PRELID2: variants seen among roughly 807,000 people sequenced by gnomAD.
PRELID2 encodes PRELI domain-containing protein 2.
Under a neutral mutation model 28.4 loss-of-function variants are expected in PRELID2, and 25 were observed. That is an observed-to-expected ratio of 0.88 (90% CI 0.64 to 1.23). PRELID2 has a LOEUF of 1.23. Ranked by LOEUF, PRELID2 falls within the 50% of genes most tolerant of loss-of-function variation. The pLI, the probability that PRELID2 is intolerant of heterozygous loss-of-function variation, is 0.00. For synonymous variants in PRELID2, 76 were observed against 71.6 expected, an observed-to-expected ratio of 1.06 and a Z score of -0.31; for missense variants, 201 against 214.4, an observed-to-expected ratio of 0.94 and a Z score of 0.39.
intron 1 of PRELID2, among the ~76,000 whole-genome samples, chr5:145,673,683 A>T (rs1754756815): frequency 1.3e-5 from 2 of 152,076 alleles, no homozygotes; most frequent in South Asian, 4.1e-4. Flanking sequence ...AATTCAACAC[A>T]TCTGAGAGAC....
chr5:145,752,418 C>A (rs780043439), downstream of PRELID2, among the ~76,000 whole-genome samples: 1 of 152,106 alleles, frequency 6.6e-6, no homozygotes, highest in Non-Finnish European at 1.5e-5. Context: ...CTAGTGCCAC[C>A]AATGCGACTC....
chr5:145,820,101 GT>G (rs1193742035), intron 2 of PRELID2, 83 bp from the exon 3 acceptor site: 8 of 745,486 alleles, frequency 1.1e-5, no homozygotes, highest in African/African-American at 5.4e-5. Context: ...CGGGGGTGGG[GT>G]TTTTTTGTTT....
chr5:145,757,922 T>G lies in PRELID2; in HGVS notation c.*2614A>C, dbSNP rs1757308980. On this transcript the variant is annotated 3_prime_UTR_variant, in exon 7 of 7. Transcript: ENST00000683046. ...TTACTGAGTGAGGAAAAGTAATCCCTGAGGATTATTTAGGAATGAGGAGGA... is the reference window on the plus strand; with the variant it reads ...TTACTGAGTGAGGAAAAGTAATCCCGGAGGATTATTTAGGAATGAGGAGGA... 6.6e-6 allele frequency among the ~76,000 whole-genome samples: 1 copy of G among 151,716 alleles called. No individual in the cohort carries two copies. The highest frequency in any genetic ancestry group is 2.1e-4 in the South Asian group (1 of 4,802).
intron 1 of PRELID2, among the ~76,000 whole-genome samples, chr5:145,740,688 T>C (rs1205914060): frequency 0.012 from 338 of 27,886 alleles, 3 homozygotes; most frequent in African/African-American, 0.028. Flanking sequence ...TTATATTTAA[T>C]ATATTATTTA....
the PRELID2 span, among the ~76,000 whole-genome samples, chr5:145,278,801 C>G: frequency 6.6e-6 from 1 of 152,100 alleles, no homozygotes; most frequent in Non-Finnish European, 1.5e-5. Context: ...TAATTTTGCC[C>G]TACCCAGAGT....
the PRELID2 span, among the ~76,000 whole-genome samples, chr5:145,323,701 G>A: frequency 1.3e-5 from 2 of 152,130 alleles, no homozygotes; most frequent in Non-Finnish European, 1.5e-5. Flanking sequence ...CTTATAAAAT[G>A]AGAACCTATG....
At chr5:145,251,399 T>C in the PRELID2 span, among the ~76,000 whole-genome samples, 1 of 152,148 alleles carries the variant, frequency 6.6e-6, no homozygotes, top group Non-Finnish European at 1.5e-5. Flanking sequence ...TGTTAGAATA[T>C]ATCACCAGAC....
intron 1 of PRELID2, among the ~76,000 whole-genome samples, chr5:145,746,214 G>A (rs1014520368): frequency 6.6e-6 from 1 of 152,132 alleles, no homozygotes; most frequent in African/African-American, 2.4e-5. Flanking sequence ...AAAAGACACA[G>A]ATTGGCAAAT....
chr5:145,448,337 A>C, the PRELID2 span, among the ~76,000 whole-genome samples: 1 of 151,426 alleles, frequency 6.6e-6, no homozygotes, highest in Non-Finnish European at 1.5e-5. Context: ...TTTTCTTGTA[A>C]ATTTGTTTGA....
At chr5:145,341,274 A>C in the PRELID2 span, among the ~76,000 whole-genome samples, 11 of 152,312 alleles carry the variant, frequency 7.2e-5, no homozygotes, top group East Asian at 1.9e-3. Flanking sequence ...AAATTTTTAA[A>C]ATCTCAGATT....
intron 1 of PRELID2, among the ~76,000 whole-genome samples, chr5:145,738,047 T>C (rs1756548093): frequency 2.0e-5 from 3 of 152,060 alleles, no homozygotes; most frequent in Admixed American, 1.3e-4. Flanking sequence ...CTTCTACCCT[T>C]CCCAGGGTGA....
intron 1 of PRELID2, among the ~76,000 whole-genome samples, chr5:145,735,918 C>T (rs1389945721): frequency 6.6e-6 from 1 of 152,158 alleles, no homozygotes; most frequent in Non-Finnish European, 1.5e-5. Context: ...CAATCTTACT[C>T]GGCGCTCTCT....
At chr5:145,362,127 T>C in the PRELID2 span, among the ~76,000 whole-genome samples, 1 of 152,172 alleles carries the variant, frequency 6.6e-6, no homozygotes, top group Non-Finnish European at 1.5e-5. Flanking sequence ...TTTAGTGCTG[T>C]GCTTATCTTG....
intron 1 of PRELID2, among the ~76,000 whole-genome samples, chr5:145,698,946 C>T (rs867528954): frequency 8.5e-5 from 13 of 152,256 alleles, no homozygotes; most frequent in South Asian, 2.1e-4. Flanking sequence ...AGGCTGGTCT[C>T]GAACTCCTGA....
chr5:145,399,274 G>A, the PRELID2 span, among the ~76,000 whole-genome samples: 3 of 152,072 alleles, frequency 2.0e-5, no homozygotes, highest in African/African-American at 4.8e-5. Flanking sequence ...TTACATGGGG[G>A]TTGGAAATCC....
At chr5:145,666,204 A>T (rs1222192846) in intron 1 of PRELID2, among the ~76,000 whole-genome samples, 2 of 152,004 alleles carry the variant, frequency 1.3e-5, no homozygotes, top group Admixed American at 1.3e-4. Context: ...CAGGTTGGCA[A>T]AAAGAGATTT....
chr5:145,698,432 G>T (rs1231566313), intron 1 of PRELID2, among the ~76,000 whole-genome samples: 1 of 152,182 alleles, frequency 6.6e-6, no homozygotes, highest in Non-Finnish European at 1.5e-5. Flanking sequence ...GTCTTAGTCA[G>T]TTTGGGCTGC....
At chr5:145,376,392 A>C in the PRELID2 span, among the ~76,000 whole-genome samples, 1 of 152,326 alleles carries the variant, frequency 6.6e-6, no homozygotes, top group Admixed American at 6.5e-5. Flanking sequence ...TTTTGATATC[A>C]GAATGATACT....
At chr5:145,628,562 G>A (rs914876957) in intron 1 of PRELID2, among the ~76,000 whole-genome samples, 6 of 152,122 alleles carry the variant, frequency 3.9e-5, no homozygotes, top group Admixed American at 6.5e-5. Flanking sequence ...GATCTCAGGC[G>A]ATCCACCCAT....
Sources: gnomAD v4.1 joint callset for allele counts (sites outside exome capture counted in the v4.1 genomes callset) on GRCh38, gnomAD v4.1.1 for gene constraint, MANE v1.5 for transcripts, NCBI Gene and HGNC (gene_info 2026-07-23, HGNC 2026-07-21) for gene names.